MTRFR: variants seen among roughly 807,000 people sequenced by gnomAD.
The protein encoded by MTRFR is mitochondrial translation release factor in rescue.
Under a neutral mutation model 11.9 loss-of-function variants are expected in MTRFR, and 10 were observed. That is an observed-to-expected ratio of 0.84 (90% CI 0.52 to 1.42). MTRFR has a LOEUF of 1.42. MTRFR is among the 40% of genes most tolerant of loss of function. The pLI is 0.00. For synonymous variants in MTRFR, 77 were observed against 79.1 expected (o/e 0.97, Z 0.14); for missense variants, 196 against 197.9 (o/e 0.99, Z 0.06).
intron 2 of MTRFR, chr12:123,254,663 C>T (rs1297471903): frequency 6.6e-6 from 1 of 152,332 alleles, no homozygotes; most frequent in Non-Finnish European, 1.5e-5. Flanking sequence ...GGGCCAGGCA[C>T]AGTGGCTCAT....
intron 1 of MTRFR, chr12:123,250,221 AT>A (rs1214167439): frequency 1.3e-5 from 2 of 152,182 alleles, no homozygotes; most frequent in African/African-American, 4.8e-5. Context: ...AGTTTCCTGA[AT>A]TTTTTATTGT....
At position 123,253,698 on chromosome 12, in the gene MTRFR, T is replaced by C. The variant is rs1425457471; in HGVS notation, c.24T>C (p.His8=). The change falls in exon 2 of 3, where the codon CAT becomes CAC. Residue 8 remains histidine, a synonymous_variant. Coordinates refer to ENST00000253233, the MANE Select transcript of MTRFR (RefSeq NM_152269.5). MSTVGLF[H]FPTPLTRICP... is the part of the protein sequence containing the mutation. ...TTATGAGCACCGTGGGTTTATTTCA[T>C]TTTCCTACACCACTGACCCGAATAT... 1 of 1,614,014 alleles carries C rather than the reference T, an allele frequency of 6.2e-7. No individual in the cohort carries two copies. The highest frequency in any genetic ancestry group is 8.5e-7 in the Non-Finnish European group (1 of 1,180,026).
At chr12:123,249,850 T>C (rs1357757687) in intron 1 of MTRFR, 1 of 152,294 alleles carries the variant, frequency 6.6e-6, no homozygotes, top group East Asian at 1.9e-4. Context: ...GATGACAATA[T>C]GCCTAGATGA....
intron 1 of MTRFR, among the ~76,000 whole-genome samples, chr12:123,243,520 A>C (rs1323143238): frequency 2.5e-5 from 3 of 118,010 alleles, no homozygotes; most frequent in Admixed American, 1.9e-4. Context: ...ACAGAGCGAG[A>C]CTCCGTCTCA....
At position 123,256,837 on chromosome 12, in the gene MTRFR, CA is replaced by C. The variant is rs1283239826; in HGVS notation, c.308del (p.Gln103ArgfsTer5). On this transcript the variant is annotated frameshift_variant, in exon 3 of 3. Transcript: ENST00000253233. LOFTEE classifies it high-confidence loss of function. ...GTGCCATCAGACAAGATCAGTTGAT[CA>C]GAACAGAAAGCTAGCTCGGAAAATC... ...VKCHQTRSVD[Q>X]NRKLARKILQ... 6.2e-7 allele frequency: 1 copy of C among 1,612,962 alleles called. No individual in the cohort carries two copies. The highest frequency in any genetic ancestry group is 8.5e-7 in the Non-Finnish European group (1 of 1,179,250).
intron 1 of MTRFR, among the ~76,000 whole-genome samples, chr12:123,242,846 G>A (rs779665150): frequency 1.3e-5 from 2 of 152,180 alleles, no homozygotes; most frequent in Non-Finnish European, 1.5e-5. Context: ...TGCCAGCGCT[G>A]TCCTGCCTGG....
intron 1 of MTRFR, among the ~76,000 whole-genome samples, chr12:123,241,137 GGTT>G (rs202129230): frequency 6.9e-6 from 1 of 144,154 alleles, no homozygotes; most frequent in Admixed American, 7.0e-5. Flanking sequence ...TTTTATTTGG[GGTT>G]GTTTTTTTTT....
chr12:123,253,584 C>A, intron 1 of MTRFR, 63 bp from the exon 2 acceptor site: 1 of 1,517,742 alleles, frequency 6.6e-7, no homozygotes, highest in Non-Finnish European at 9.1e-7. Context: ...GTCTTTGAAT[C>A]TGAAGCATAA....
chr12:123,234,381 CT>C (rs1425448537), intron 1 of MTRFR, among the ~76,000 whole-genome samples: 1 of 136,130 alleles, frequency 7.3e-6, no homozygotes, highest in African/African-American at 2.8e-5. Context: ...TTTTTTTTTA[CT>C]TTTTTTATTT....
intron 1 of MTRFR, chr12:123,249,086 C>CTA (rs930471329): frequency 2.0e-5 from 3 of 151,874 alleles, no homozygotes; most frequent in African/African-American, 7.3e-5. Flanking sequence ...ATTAGCTAGA[C>CTA]ATAGAGCACT....
At chr12:123,255,395 C>T (rs1453588048) in intron 2 of MTRFR, among the ~76,000 whole-genome samples, 1 of 152,086 alleles carries the variant, frequency 6.6e-6, no homozygotes, top group Non-Finnish European at 1.5e-5. Context: ...TTTTGTTTAA[C>T]CTATTTGACA....
chr12:123,234,607 G>C, intron 1 of MTRFR, among the ~76,000 whole-genome samples: 1 of 151,916 alleles, frequency 6.6e-6, no homozygotes, highest in East Asian at 1.9e-4. Flanking sequence ...ATATTGGCCA[G>C]GCTGGTCTCG....
Position 123,243,358 on chromosome 12 carries a change from G to A in MTRFR, c.-29+9827G>A, listed in dbSNP as rs369522280. Among the ~76,000 whole-genome samples the A allele has an allele frequency of 1.7e-4, 26 of 151,970 alleles. 1 individual carries two copies. The East Asian group carries it at 4.1e-3, about 24-fold the overall frequency. On this transcript the variant is annotated intron_variant, in intron 1 of 2. Coordinates refer to ENST00000253233, the MANE Select transcript of MTRFR (RefSeq NM_152269.5). ...AGCCTGGCTAACATGGCAAAACCCC[G>A]TCTCTACTAAAAATACAAAAAATTA... is the stretch of plus-strand genomic sequence containing the variant.
upstream of MTRFR, chr12:123,233,109 TG>T (rs2047744910): frequency 1.3e-5 from 2 of 151,512 alleles, no homozygotes. Flanking sequence ...GTCAGGGTCA[TG>T]CAAGCGGCCT....
At chr12:123,250,506 T>G (rs1309953478) in intron 1 of MTRFR, 1 of 152,230 alleles carries the variant, frequency 6.6e-6, no homozygotes, top group Admixed American at 6.5e-5. Flanking sequence ...AGGGAAGGTC[T>G]AGGGCTGAAG....
At chr12:123,254,878 TGAGCC>T (rs1358354603) in intron 2 of MTRFR, 1 of 150,930 alleles carries the variant, frequency 6.6e-6, no homozygotes, top group East Asian at 1.9e-4. Flanking sequence ...GACATTGCAG[TGAGCC>T]GAGATCATGC....
upstream of MTRFR, chr12:123,233,114 G>T (rs1375799073): frequency 1.3e-5 from 2 of 148,942 alleles, no homozygotes; most frequent in Admixed American, 6.8e-5. Flanking sequence ...GGTCATGCAA[G>T]CGGCCTCTCG....
intron 2 of MTRFR, chr12:123,255,106 C>T (rs897654413): frequency 1.3e-5 from 2 of 152,130 alleles, no homozygotes; most frequent in Non-Finnish European, 2.9e-5. Context: ...AGGAACTGTT[C>T]GAAGCAGCAT....
rs2048152471 is a variant in MTRFR, at chr12:123,254,054, A to G, written c.282+98A>G. 20 of 1,469,264 alleles carry G rather than the reference A, an allele frequency of 1.4e-5. No homozygotes were observed. The Admixed American group carries it at 3.4e-4, about 25-fold the overall frequency. The allele number at this position is 1,469,264 out of a possible 1,614,324, so 91.0% of individuals were successfully genotyped here. ...GTGTGAATGGGATCAGCCGAAGTGC[A>G]TTATTTTTCTGGCTTGGGCCACCCT... On this transcript the variant is annotated intron_variant, in intron 2 of 2. Transcript: ENST00000253233.
Sources: gnomAD v4.1 joint callset for allele counts (sites outside exome capture counted in the v4.1 genomes callset) on GRCh38, gnomAD v4.1.1 for gene constraint, MANE v1.5 for transcripts, NCBI Gene and HGNC (gene_info 2026-07-23, HGNC 2026-07-21) for gene names.